The following IPO5 variants were observed in gnomAD, a reference collection of about 807,000 sequenced individuals.
IPO5 encodes the protein importin 5.
A neutral mutation model predicts 143.3 loss-of-function variants in IPO5; 18 were observed. The ratio of observed to expected loss-of-function variants is 0.13; its 90% CI spans 0.09 to 0.19. The LOEUF (loss-of-function observed/expected upper bound fraction) is 0.19, where lower values mean the gene tolerates loss of function less well. Among genes scored for constraint, IPO5 ranks in the 10% least tolerant of loss-of-function variants. The pLI is 1.00. For synonymous variants in IPO5, 477 were observed against 465.7 expected (o/e 1.02, Z -0.31); for missense variants, 1,013 against 1,336.9 (o/e 0.76, Z 3.78).
chr13:97,971,966 G>A (rs941547601), intron 3 of IPO5, among the ~76,000 whole-genome samples: 48 of 152,090 alleles, frequency 3.2e-4, no homozygotes, highest in African/African-American at 8.2e-4. Flanking sequence ...CAATTTTACA[G>A]ATGAGAAAAC....
At chr13:98,010,583 A>AACAGAAGTGTGTTCATGCAAATGT (rs1479365083) in intron 20 of IPO5, among the ~76,000 whole-genome samples, 15 of 152,134 alleles carry the variant, frequency 9.9e-5, no homozygotes, top group Non-Finnish European at 1.6e-4. Flanking sequence ...TAAACAAATG[A>AACAGAAGTGTGTTCATGCAAATGT]ACAGAAGTGT....
chr13:97,998,547 A>G (rs1334652959), intron 12 of IPO5, among the ~76,000 whole-genome samples: 3 of 152,124 alleles, frequency 2.0e-5, no homozygotes, highest in Non-Finnish European at 4.4e-5. Context: ...GAGTATTACT[A>G]TTGTACTTAT....
intron 20 of IPO5, 106 bp downstream of exon 20, chr13:98,010,330 A>G: frequency 1.0e-6 from 1 of 990,028 alleles, no homozygotes; most frequent in Admixed American, 2.8e-5. Flanking sequence ...AGCCAGTAAT[A>G]TGTTCCTTAA....
At chr13:98,019,961 A>G (rs1890369059) in intron 27 of IPO5, 152 bp downstream of exon 27, 3 of 566,120 alleles carry the variant, frequency 5.3e-6, no homozygotes, top group Non-Finnish European at 9.4e-6. Context: ...TATAAATCAT[A>G]TTAAGAAACC....
Position 98,018,722 on chromosome 13 carries a change from G to A in IPO5, c.2836+18G>A, listed in dbSNP as rs201944103. ...TTGTACAGGTACGTTTGCTTATTCC[G>A]TTACGTGCATTTCATTCCAGACATC... On this transcript the variant is annotated intron_variant, in intron 26 of 28. Coordinates refer to ENST00000651721, the MANE Select transcript of IPO5 (RefSeq NM_002271.6). 209 of 1,572,134 alleles carry A rather than the reference G, an allele frequency of 1.3e-4. No individual in the cohort carries two copies. The Admixed American group carries it at 1.8e-3, about 13-fold the overall frequency.
intron 2 of IPO5, chr13:97,963,327 ATGTC>A (rs1885041125): frequency 6.6e-6 from 1 of 150,972 alleles, no homozygotes; most frequent in South Asian, 2.1e-4. Flanking sequence ...ATTGATCTAT[ATGTC>A]TGTCCTTATG....
chr13:98,002,175 C>T (rs1295355124), intron 13 of IPO5: 10 of 180,554 alleles, frequency 5.5e-5, no homozygotes, highest in East Asian at 4.5e-4. Context: ...CCACCGTGCC[C>T]GGCTAATTTT....
chr13:98,020,807 C>T (rs1270283452), intron 27 of IPO5, among the ~76,000 whole-genome samples, 185 bp from the exon 28 acceptor site: 12 of 151,914 alleles, frequency 7.9e-5, no homozygotes, highest in Admixed American at 7.9e-4. Context: ...GCCCTTAAAA[C>T]AATCCTGAGA....
intron 11 of IPO5, among the ~76,000 whole-genome samples, chr13:97,995,745 A>G (rs1426218663): frequency 6.6e-6 from 1 of 151,954 alleles, no homozygotes; most frequent in East Asian, 1.9e-4. Context: ...ACAGAGCAAG[A>G]CTCTGTCTCA....
chr13:97,978,662 T>C (rs1886591859), intron 4 of IPO5, among the ~76,000 whole-genome samples: 1 of 152,186 alleles, frequency 6.6e-6, no homozygotes, highest in South Asian at 2.1e-4. Flanking sequence ...AATAGAAATT[T>C]TCATGTGTTA....
At chr13:97,964,091 T>C (rs144372444) in intron 2 of IPO5, among the ~76,000 whole-genome samples, 8 of 152,354 alleles carry the variant, frequency 5.3e-5, no homozygotes, top group Admixed American at 6.5e-5. Flanking sequence ...TTCTGGACAT[T>C]AGCCCTCTGT....
chr13:97,970,513 T>TG (rs1374797553), intron 3 of IPO5, among the ~76,000 whole-genome samples: 4 of 151,732 alleles, frequency 2.6e-5, no homozygotes, highest in Non-Finnish European at 5.9e-5. Context: ...CCCAGCTACT[T>TG]GGGGGGCTGA....
chr13:98,003,592 G>A (rs1320369792), intron 16 of IPO5, among the ~76,000 whole-genome samples: 6 of 152,120 alleles, frequency 3.9e-5, no homozygotes, highest in Non-Finnish European at 7.4e-5. Context: ...GCTCATCCCC[G>A]TAATCCCAGC....
At chr13:97,992,802 T>C in intron 9 of IPO5, 90 bp from the exon 10 acceptor site, 1 of 1,298,238 alleles carries the variant, frequency 7.7e-7, no homozygotes, top group Non-Finnish European at 1.1e-6. Context: ...TAGTAATATT[T>C]CTCTATTGTC....
chr13:97,963,609 C>G (rs1233181764), intron 2 of IPO5, among the ~76,000 whole-genome samples: 28 of 152,018 alleles, frequency 1.8e-4, no homozygotes, highest in Admixed American at 1.8e-3. Flanking sequence ...ACCTCATGAT[C>G]TGCCCGCCTC....
At chr13:97,959,686 A>T (rs1398374520) in intron 2 of IPO5, among the ~76,000 whole-genome samples, 1 of 152,164 alleles carries the variant, frequency 6.6e-6, no homozygotes, top group African/African-American at 2.4e-5. Flanking sequence ...GTGAGCCTAG[A>T]TAGCGCCACT....
chr13:98,019,466 A>G, intron 26 of IPO5, 115 bp from the exon 27 acceptor site: 2 of 745,712 alleles, frequency 2.7e-6, no homozygotes, highest in Non-Finnish European at 4.4e-6. Flanking sequence ...CACTTCCCAT[A>G]CACTTTAACA....
chr13:97,972,699 T>G (rs984329020), intron 3 of IPO5, among the ~76,000 whole-genome samples: 1 of 152,238 alleles, frequency 6.6e-6, no homozygotes, highest in Non-Finnish European at 1.5e-5. Flanking sequence ...TTTGTTTTTT[T>G]ATTTTAATGC....
At chr13:97,975,039 TGCA>T (rs1490903769) in intron 3 of IPO5, among the ~76,000 whole-genome samples, 1 of 152,208 alleles carries the variant, frequency 6.6e-6, no homozygotes, top group African/African-American at 2.4e-5. Context: ...AGAGCAGAAC[TGCA>T]GCAGAATAGC....
Sources: allele counts gnomAD v4.1 joint callset (sites outside exome capture counted in the v4.1 genomes callset), GRCh38; gene constraint gnomAD v4.1.1; transcripts MANE v1.5; gene names NCBI Gene and HGNC (gene_info 2026-07-23, HGNC 2026-07-21).